Variants in TBC1D22A observed in about 807,000 individuals in gnomAD.
TBC1D22A encodes TBC1 domain family member 22A.
Under a neutral mutation model 60.2 loss-of-function variants are expected in TBC1D22A, and 38 were observed. That is an observed-to-expected ratio of 0.63 (90% CI 0.49 to 0.83). The LOEUF (loss-of-function observed/expected upper bound fraction) is 0.83, where lower values mean the gene tolerates loss of function less well. Among genes scored for constraint, TBC1D22A ranks in the 40% least tolerant of loss-of-function variants. The pLI, the probability that TBC1D22A is intolerant of heterozygous loss-of-function variation, is 0.00. For synonymous variants in TBC1D22A, 302 were observed against 281.7 expected, an observed-to-expected ratio of 1.07 and a Z score of -0.72; for missense variants, 628 against 701.0, an observed-to-expected ratio of 0.90 and a Z score of 1.18.
At chr22:46,941,649 A>ACG (rs1199761817) in intron 8 of TBC1D22A, among the ~76,000 whole-genome samples, 15 of 72,352 alleles carry the variant, frequency 2.1e-4, no homozygotes, top group Non-Finnish European at 3.5e-4. Context: ...GAATATATAT[A>ACG]CGGAATATAT....
At position 47,015,173 on chromosome 22, in the gene TBC1D22A, T is replaced by C. The variant is rs1156502432; in HGVS notation, c.1201+17464T>C. On this transcript the variant is annotated intron_variant, in intron 10 of 12. Transcript: ENST00000337137. Reference sequence around the variant, plus strand: ...ATCGCACACACCCAGCAAGTGATAGTGTGTGACCGGACATGGTGCTGAAGG... The same window carrying C: ...ATCGCACACACCCAGCAAGTGATAGCGTGTGACCGGACATGGTGCTGAAGG... 3.3e-5 allele frequency among the ~76,000 whole-genome samples: 5 copies of C among 152,164 alleles called. No individual in the cohort carries two copies. The East Asian group carries it at 9.6e-4, about 29-fold the overall frequency.
chr22:46,925,301 A>G (rs1329967359), intron 8 of TBC1D22A, among the ~76,000 whole-genome samples: 1 of 152,222 alleles, frequency 6.6e-6, no homozygotes, highest in Non-Finnish European at 1.5e-5. Context: ...TGAGCGTAGC[A>G]CATTTTCTGT....
intron 5 of TBC1D22A, among the ~76,000 whole-genome samples, chr22:46,886,093 T>C (rs934900373): frequency 1.3e-5 from 2 of 151,808 alleles, no homozygotes; most frequent in African/African-American, 4.8e-5. Context: ...GTTTTTAGTA[T>C]TTTCACCGTG....
chr22:47,067,039 G>A (rs1046404765), intron 11 of TBC1D22A, among the ~76,000 whole-genome samples: 59 of 152,190 alleles, frequency 3.9e-4, no homozygotes, highest in Non-Finnish European at 6.3e-4. Context: ...GCTGAGACGG[G>A]CGGATCATTT....
intron 10 of TBC1D22A, among the ~76,000 whole-genome samples, chr22:47,020,859 TATA>T (rs1423065456): frequency 6.8e-6 from 1 of 146,908 alleles, no homozygotes; most frequent in East Asian, 1.9e-4. Context: ...TACAGGATTA[TATA>T]ATAATCCTGT....
At chr22:46,944,825 C>A (rs1317282978) in intron 8 of TBC1D22A, among the ~76,000 whole-genome samples, 1 of 152,074 alleles carries the variant, frequency 6.6e-6, no homozygotes, top group Non-Finnish European at 1.5e-5. Context: ...ACTCTTTTGC[C>A]TTTTTTGTTG....
rs570463410 is a variant in TBC1D22A, at chr22:46,911,552, T to G, written c.901-522T>G. On this transcript the variant is annotated intron_variant, in intron 7 of 12. Coordinates refer to ENST00000337137, the MANE Select transcript of TBC1D22A (RefSeq NM_014346.5). ...TGGGAGAGCCAGCTCAGGGACGGAC[T>G]GAGCCAGGGGCTGCTGAAGTGCTGC... 1.8e-4 allele frequency among the ~76,000 whole-genome samples: 27 copies of G among 152,318 alleles called. No individual in the cohort carries two copies. In the South Asian group the frequency reaches 5.2e-3, roughly 29 times the overall value.
intron 9 of TBC1D22A, among the ~76,000 whole-genome samples, chr22:46,994,069 T>G (rs961448457): frequency 6.6e-6 from 1 of 152,342 alleles, no homozygotes; most frequent in Middle Eastern, 3.4e-3. Flanking sequence ...TGCAAACATT[T>G]TCTCTTTCAA....
intron 6 of TBC1D22A, among the ~76,000 whole-genome samples, chr22:46,894,528 A>G (rs958399994): frequency 2.0e-5 from 3 of 152,172 alleles, no homozygotes; most frequent in Admixed American, 6.5e-5. Context: ...GTTTCTAATC[A>G]TGCAGCAACG....
At chr22:47,171,433 C>T (rs2068446725) in intron 12 of TBC1D22A, among the ~76,000 whole-genome samples, 3 of 152,134 alleles carry the variant, frequency 2.0e-5, no homozygotes. Flanking sequence ...TGCAGGTGGC[C>T]CCCTGGGGGC....
intron 4 of TBC1D22A, among the ~76,000 whole-genome samples, chr22:46,832,343 G>A (rs1460683460): frequency 6.6e-6 from 1 of 152,206 alleles, no homozygotes; most frequent in African/African-American, 2.4e-5. Flanking sequence ...AAAAGAGTAC[G>A]TTTTCTTTTA....
chr22:47,114,998 C>T (rs1239074284), intron 12 of TBC1D22A, among the ~76,000 whole-genome samples: 4 of 147,674 alleles, frequency 2.7e-5, no homozygotes, highest in Admixed American at 2.7e-4. Flanking sequence ...ACCTCCAGGG[C>T]CTGCTGGGCA....
At chr22:46,762,947 G>A (rs1169189798) in intron 1 of TBC1D22A, 99 bp downstream of exon 1, 17 of 1,166,384 alleles carry the variant, frequency 1.5e-5, no homozygotes, top group Non-Finnish European at 2.0e-5. Flanking sequence ...GTCTGGAGAG[G>A]GCAACTTGGA....
chr22:46,908,094 C>T (rs116930494), intron 7 of TBC1D22A, among the ~76,000 whole-genome samples: 689 of 152,292 alleles, frequency 4.5e-3, no homozygotes, highest in Non-Finnish European at 6.8e-3. Context: ...CCACGGGGGC[C>T]GGATGGTGTG....
intron 9 of TBC1D22A, among the ~76,000 whole-genome samples, chr22:46,978,210 C>G (rs936882168): frequency 1.3e-5 from 2 of 152,126 alleles, no homozygotes; most frequent in Non-Finnish European, 2.9e-5. Context: ...CATGCCCAGG[C>G]CTGTGTGCCT....
intron 10 of TBC1D22A, among the ~76,000 whole-genome samples, chr22:47,015,075 G>C (rs1240985159): frequency 6.6e-6 from 1 of 152,242 alleles, no homozygotes; most frequent in Non-Finnish European, 1.5e-5. Context: ...AGGTGTTCCT[G>C]ATGCCCCACC....
rs1236364601 is a variant in TBC1D22A, at chr22:47,155,790, G to A, written c.1426-17708G>A. ...CACCCTCAGGGGCGGTGGTGCGGACGGGCGCAGCCTGACCTTTCTGTGCGG... is the reference window on the plus strand; with the variant it reads ...CACCCTCAGGGGCGGTGGTGCGGACAGGCGCAGCCTGACCTTTCTGTGCGG... On this transcript the variant is annotated intron_variant, in intron 12 of 12. Transcript: ENST00000337137. Among the ~76,000 whole-genome samples the A allele has an allele frequency of 3.3e-5, 5 of 152,004 alleles. No individual in the cohort carries two copies. In the South Asian group the frequency reaches 8.3e-4, roughly 25 times the overall value.
intron 4 of TBC1D22A, among the ~76,000 whole-genome samples, chr22:46,847,089 G>A (rs1345493559): frequency 2.0e-5 from 3 of 152,202 alleles, no homozygotes; most frequent in African/African-American, 7.2e-5. Flanking sequence ...GGTCAATTGG[G>A]ACTGGACTGA....
intron 1 of TBC1D22A, among the ~76,000 whole-genome samples, chr22:46,788,672 C>T (rs2084272195): frequency 6.6e-6 from 1 of 152,194 alleles, no homozygotes; most frequent in South Asian, 2.1e-4. Context: ...GAGGGATCAG[C>T]GCTTTGCTTT....
Sources: allele counts gnomAD v4.1 joint callset (sites outside exome capture counted in the v4.1 genomes callset), GRCh38; gene constraint gnomAD v4.1.1; transcripts MANE v1.5; gene names NCBI Gene and HGNC (gene_info 2026-07-23, HGNC 2026-07-21).